TPST2: variants seen among roughly 807,000 people sequenced by gnomAD.
The protein encoded by TPST2 is protein-tyrosine sulfotransferase 2.
In TPST2, 16 loss-of-function variants were observed where a neutral mutation model predicts 27.8. The observed-to-expected ratio is 0.58, with a 90% CI of 0.39 to 0.88. TPST2 has a LOEUF of 0.88. TPST2 is among the 40% of genes least tolerant of loss of function. The pLI, the probability that TPST2 is intolerant of heterozygous loss-of-function variation, is 0.00. For synonymous variants in TPST2, 229 were observed against 231.7 expected (o/e 0.99, Z 0.10); for missense variants, 464 against 543.1 (o/e 0.85, Z 1.45).
chr22:26,548,556 AAG>A (rs1347156610), intron 1 of TPST2, among the ~76,000 whole-genome samples: 3 of 150,810 alleles, frequency 2.0e-5, no homozygotes, highest in Middle Eastern at 3.4e-3. Flanking sequence ...AAAAAAGAGA[AAG>A]AGAGAAGAAA....
At chr22:26,587,443 C>T (rs1035081815) in intron 1 of TPST2, among the ~76,000 whole-genome samples, 21 of 152,140 alleles carry the variant, frequency 1.4e-4, no homozygotes, top group African/African-American at 4.8e-4. Flanking sequence ...TGGGTTCAAG[C>T]GATTCCCCTG....
chr22:26,565,822 T>TA, intron 1 of TPST2: 1 of 152,282 alleles, frequency 6.6e-6, no homozygotes, highest in African/African-American at 2.4e-5. Flanking sequence ...TTTTTTTAAT[T>TA]ACTTAGTCCT....
chr22:26,576,709 C>T (rs1362106470), intron 1 of TPST2, among the ~76,000 whole-genome samples: 1 of 151,840 alleles, frequency 6.6e-6, no homozygotes, highest in Non-Finnish European at 1.5e-5. Context: ...GTAGCTCATG[C>T]CTATAATCCC....
At chr22:26,582,432 GAAACAA>G (rs906934577) in intron 1 of TPST2, among the ~76,000 whole-genome samples, 1 of 152,082 alleles carries the variant, frequency 6.6e-6, no homozygotes, top group African/African-American at 2.4e-5. Flanking sequence ...CATCTAAACA[GAAACAA>G]AAACAAAAAC....
At chr22:26,585,855 C>T (rs1928323327) in intron 1 of TPST2, among the ~76,000 whole-genome samples, 1 of 152,072 alleles carries the variant, frequency 6.6e-6, no homozygotes, top group South Asian at 2.1e-4. Flanking sequence ...TCGAGACCAT[C>T]CTGGCTAACA....
intron 1 of TPST2, among the ~76,000 whole-genome samples, chr22:26,578,202 T>C (rs1927936464): frequency 6.6e-6 from 1 of 152,170 alleles, no homozygotes; most frequent in African/African-American, 2.4e-5. Context: ...CAGTGCTCTG[T>C]CATTCCATTT....
rs372988364 is a variant in TPST2, at chr22:26,524,657, C to G, written c.*1618G>C. On this transcript the variant is annotated 3_prime_UTR_variant, in exon 7 of 7. Transcript: ENST00000338754. ...CAATAAGTCACTGCCTTCCAAAAGC[C>G]TCATATTATCATGAGATATAAGGCA... 1.3e-5 allele frequency: 2 copies of G among 152,212 alleles called. No homozygotes were observed. The highest frequency in any genetic ancestry group is 2.9e-5 in the Non-Finnish European group (2 of 68,044). 9.4% of individuals were successfully genotyped at this position (152,212 alleles called of 1,614,324 possible).
At chr22:26,568,022 G>C (rs1927443836) in intron 1 of TPST2, among the ~76,000 whole-genome samples, 1 of 152,164 alleles carries the variant, frequency 6.6e-6, no homozygotes, top group Non-Finnish European at 1.5e-5. Flanking sequence ...GCCTGAATGT[G>C]CACCTTCTCT....
intron 1 of TPST2, among the ~76,000 whole-genome samples, chr22:26,587,261 C>T (rs1280556712): frequency 6.6e-6 from 1 of 152,222 alleles, no homozygotes; most frequent in East Asian, 1.9e-4. Context: ...CAGCTTCCAC[C>T]TTCCTTTCAC....
intron 1 of TPST2, among the ~76,000 whole-genome samples, chr22:26,551,997 C>T (rs1279572378): frequency 6.8e-6 from 1 of 147,306 alleles, no homozygotes; most frequent in Non-Finnish European, 1.5e-5. Context: ...CAAGCACATT[C>T]TCCCATCTCA....
intron 1 of TPST2, among the ~76,000 whole-genome samples, chr22:26,554,593 T>C (rs1183424416): frequency 1.3e-5 from 2 of 152,300 alleles, no homozygotes; most frequent in African/African-American, 2.4e-5. Context: ...TCTAACTACT[T>C]TGTGCCTCAC....
intron 4 of TPST2, 148 bp from the exon 5 acceptor site, chr22:26,532,893 C>G: frequency 1.4e-6 from 1 of 705,282 alleles, no homozygotes. Context: ...TCCTCTTCTT[C>G]TAGGCATTAT....
At chr22:26,542,039 C>T (rs1043673895) in intron 2 of TPST2, among the ~76,000 whole-genome samples, 4 of 151,002 alleles carry the variant, frequency 2.6e-5, no homozygotes, top group Non-Finnish European at 4.4e-5. Flanking sequence ...GTCAGGAGAT[C>T]GAGACCATCC....
chr22:26,526,028 C>G lies in TPST2; in HGVS notation c.*247G>C, dbSNP rs1047315777. ...TTCTTGAGGGGAAAAATATAAAATACCTAAGTTTCAAAAGCCGGACTACTT... is the reference window on the plus strand; with the variant it reads ...TTCTTGAGGGGAAAAATATAAAATAGCTAAGTTTCAAAAGCCGGACTACTT... On this transcript the variant is annotated 3_prime_UTR_variant, in exon 7 of 7. Transcript: ENST00000338754. 1.3e-5 allele frequency: 2 copies of G among 152,170 alleles called. No individual in the cohort carries two copies. The highest frequency in any genetic ancestry group is 2.9e-5 in the Non-Finnish European group (2 of 68,024). The allele number at this position is 152,170 out of a possible 1,614,324, so 9.4% of individuals were successfully genotyped here. A position where few individuals can be genotyped will look rare whatever the true frequency, so the allele number is the denominator to read the frequency against.
chr22:26,574,937 G>T (rs17404243), intron 1 of TPST2, among the ~76,000 whole-genome samples: 18,443 of 152,152 alleles, frequency 0.12, 1,203 homozygotes, highest in Non-Finnish European at 0.14. Context: ...ACCATAAAAT[G>T]AGATGTGCCA....
chr22:26,568,547 T>G (rs1260573132), intron 1 of TPST2, among the ~76,000 whole-genome samples: 1 of 152,180 alleles, frequency 6.6e-6, no homozygotes, highest in African/African-American at 2.4e-5. Flanking sequence ...AAAAGTGACC[T>G]CTGGTCATCC....
chr22:26,556,333 G>A (rs556921086), intron 1 of TPST2, among the ~76,000 whole-genome samples: 108 of 152,216 alleles, frequency 7.1e-4, no homozygotes, highest in African/African-American at 2.4e-3. Flanking sequence ...GAGGTCAGGA[G>A]TTCAAGACCA....
chr22:26,554,189 C>T (rs1926651172), intron 1 of TPST2, among the ~76,000 whole-genome samples: 1 of 152,296 alleles, frequency 6.6e-6, no homozygotes, highest in East Asian at 1.9e-4. Context: ...AAGCTCTTAA[C>T]TACCTCTTCC....
intron 5 of TPST2, among the ~76,000 whole-genome samples, chr22:26,528,761 T>G (rs1225201924): frequency 1.3e-5 from 2 of 152,084 alleles, no homozygotes; most frequent in Non-Finnish European, 2.9e-5. Flanking sequence ...GGAGGGTGGA[T>G]CACCTGAGGT....
Sources: gnomAD v4.1 joint callset for allele counts (sites outside exome capture counted in the v4.1 genomes callset) on GRCh38, gnomAD v4.1.1 for gene constraint, MANE v1.5 for transcripts, NCBI Gene and HGNC (gene_info 2026-07-23, HGNC 2026-07-21) for gene names.